The following CCDC60 variants were observed in gnomAD, a reference collection of about 807,000 sequenced individuals.
The protein encoded by CCDC60 is coiled-coil domain-containing protein 60.
Under a neutral mutation model 63.5 loss-of-function variants are expected in CCDC60, and 54 were observed. The ratio of observed to expected loss-of-function variants is 0.85; its 90% confidence interval spans 0.68 to 1.07. The LOEUF (loss-of-function observed/expected upper bound fraction) is 1.07. Among genes scored for constraint, CCDC60 ranks in the 50% least tolerant of loss-of-function variants. The pLI, the probability that CCDC60 is intolerant of heterozygous loss-of-function variation, is 0.00. For missense variants in CCDC60, 651 were observed against 684.3 expected (o/e 0.95, Z 0.54); for synonymous variants, 206 against 238.8 (o/e 0.86, Z 1.27).
At chr12:119,360,996 CG>C (rs1555231712) in intron 1 of CCDC60, among the ~76,000 whole-genome samples, 2 of 151,956 alleles carry the variant, frequency 1.3e-5, no homozygotes, top group Non-Finnish European at 2.9e-5. Context: ...ACCAGTCAGG[CG>C]TGGCGGCGTG....
At chr12:119,355,615 T>G (rs1555231261) in intron 1 of CCDC60, among the ~76,000 whole-genome samples, 1 of 152,228 alleles carries the variant, frequency 6.6e-6, no homozygotes, top group Non-Finnish European at 1.5e-5. Context: ...GTCAAGCTGG[T>G]AATGTTAGAC....
chr12:119,513,553 T>C (rs1179395256), intron 7 of CCDC60, among the ~76,000 whole-genome samples: 2 of 152,226 alleles, frequency 1.3e-5, no homozygotes, highest in Non-Finnish European at 2.9e-5. Flanking sequence ...TTCCTACTTA[T>C]AAGGACACTA....
chr12:119,460,959 G>C (rs1950846339), intron 2 of CCDC60, among the ~76,000 whole-genome samples: 1 of 152,082 alleles, frequency 6.6e-6, no homozygotes, highest in African/African-American at 2.4e-5. Context: ...ACAGCCCAGA[G>C]GTACATAAAC....
chr12:119,446,333 A>G lies in CCDC60; in HGVS notation c.170+17571A>G, dbSNP rs1950541532. On this transcript the variant is annotated intron_variant, in intron 2 of 13. Transcript: ENST00000327554. Reference sequence around the variant, plus strand: ...CTTTCCTGAAGGTCTACTATTACACAAGCACAAGGATTGGGTGGAGATGGG... The same window carrying G: ...CTTTCCTGAAGGTCTACTATTACACGAGCACAAGGATTGGGTGGAGATGGG... 2.0e-5 allele frequency among the ~76,000 whole-genome samples: 3 copies of G among 152,154 alleles called. No homozygotes were observed. The South Asian group carries it at 6.2e-4, about 32-fold the overall frequency.
intron 5 of CCDC60, 29 bp downstream of exon 5, chr12:119,488,895 G>A: frequency 1.3e-6 from 2 of 1,556,136 alleles, no homozygotes; most frequent in Admixed American, 1.7e-5. Flanking sequence ...ACTTGTCTTA[G>A]ACTAGCAGTA....
intron 1 of CCDC60, among the ~76,000 whole-genome samples, chr12:119,338,980 T>C (rs1216008221): frequency 6.6e-6 from 1 of 152,242 alleles, no homozygotes; most frequent in East Asian, 1.9e-4. Context: ...AACTGCCTTG[T>C]ACAGGCTCTT....
At chr12:119,488,718 C>T in intron 4 of CCDC60, 41 bp from the exon 5 acceptor site, 1 of 1,565,562 alleles carries the variant, frequency 6.4e-7, no homozygotes. Flanking sequence ...GAAAGTTGTT[C>T]TAACAGGATC....
At chr12:119,405,719 G>A (rs928620517) in intron 1 of CCDC60, among the ~76,000 whole-genome samples, 9 of 152,046 alleles carry the variant, frequency 5.9e-5, no homozygotes, top group African/African-American at 9.7e-5. Context: ...TAAGTTTTAC[G>A]TGTATTTCTT....
At chr12:119,422,047 G>C (rs143383281) in intron 1 of CCDC60, among the ~76,000 whole-genome samples, 1 of 152,082 alleles carries the variant, frequency 6.6e-6, no homozygotes, top group South Asian at 2.1e-4. Flanking sequence ...TGTTTCTGAC[G>C]ATCTTGCTCT....
chr12:119,345,879 G>A (rs987539865), intron 1 of CCDC60, among the ~76,000 whole-genome samples: 24 of 151,660 alleles, frequency 1.6e-4, no homozygotes, highest in Admixed American at 8.5e-4. Context: ...GTGCAGTGGC[G>A]CGATCTCAGC....
chr12:119,343,095 A>G (rs181037103), intron 1 of CCDC60, among the ~76,000 whole-genome samples: 3 of 152,354 alleles, frequency 2.0e-5, no homozygotes, highest in Non-Finnish European at 4.4e-5. Context: ...TTTCTCAGAG[A>G]TATTTCTGAC....
chr12:119,530,361 T>A (rs1431140290), intron 12 of CCDC60, among the ~76,000 whole-genome samples: 1 of 151,814 alleles, frequency 6.6e-6, no homozygotes, highest in African/African-American at 2.4e-5. Context: ...ATCAAGTAGG[T>A]TCTTCAAGGA....
At chr12:119,426,718 A>G (rs920395055) in intron 1 of CCDC60, among the ~76,000 whole-genome samples, 3 of 152,136 alleles carry the variant, frequency 2.0e-5, no homozygotes, top group Non-Finnish European at 2.9e-5. Context: ...GAATTGCCAT[A>G]GACTCTTCAC....
chr12:119,498,109 G>A (rs1019653106), intron 5 of CCDC60, among the ~76,000 whole-genome samples: 22 of 152,214 alleles, frequency 1.4e-4, no homozygotes, highest in African/African-American at 5.3e-4. Context: ...GTGAAGAGAG[G>A]ACACCCCCAA....
intron 13 of CCDC60, among the ~76,000 whole-genome samples, chr12:119,538,097 T>C (rs533696639): frequency 6.6e-6 from 1 of 152,314 alleles, no homozygotes; most frequent in East Asian, 1.9e-4. Context: ...CACGGCCACT[T>C]TGTTTACCTA....
At chr12:119,405,157 C>T (rs1030958844) in intron 1 of CCDC60, among the ~76,000 whole-genome samples, 2 of 152,172 alleles carry the variant, frequency 1.3e-5, no homozygotes, top group Non-Finnish European at 1.5e-5. Flanking sequence ...TCCGTGCACA[C>T]CCCCAGGAAC....
intron 1 of CCDC60, among the ~76,000 whole-genome samples, chr12:119,395,840 T>C (rs1956242577): frequency 6.6e-6 from 1 of 152,248 alleles, no homozygotes; most frequent in South Asian, 2.1e-4. Context: ...TCCCAGCTTC[T>C]GGTGGCTCCT....
At chr12:119,534,344 A>C (rs980395284) in intron 13 of CCDC60, among the ~76,000 whole-genome samples, 2 of 152,204 alleles carry the variant, frequency 1.3e-5, no homozygotes, top group Non-Finnish European at 2.9e-5. Flanking sequence ...CTAAATATAC[A>C]ATCATGTCAT....
At chr12:119,467,191 G>A (rs1274073723) in intron 2 of CCDC60, among the ~76,000 whole-genome samples, 1 of 152,210 alleles carries the variant, frequency 6.6e-6, no homozygotes, top group African/African-American at 2.4e-5. Context: ...CAATAAAGCT[G>A]TTTTCTTCTA....
Sources: allele counts gnomAD v4.1 joint callset (sites outside exome capture counted in the v4.1 genomes callset), GRCh38; gene constraint gnomAD v4.1.1; transcripts MANE v1.5; gene names NCBI Gene and HGNC (gene_info 2026-07-23, HGNC 2026-07-21).